MARCHF10: variants seen among roughly 807,000 people sequenced by gnomAD.
MARCHF10 encodes membrane associated ring-CH-type finger 10, also known as probable E3 ubiquitin-protein ligase MARCHF10.
A neutral mutation model predicts 76.2 loss-of-function variants in MARCHF10; 64 were observed. That is an observed-to-expected ratio of 0.84 (90% confidence interval 0.69 to 1.03). MARCHF10 has a LOEUF of 1.03. MARCHF10 is among the 50% of genes least tolerant of loss of function. MARCHF10 has a pLI of 0.00. For synonymous variants in MARCHF10, 340 were observed against 357.5 expected (o/e 0.95, Z 0.55); for missense variants, 875 against 958.0 (o/e 0.91, Z 1.14).
intron 2 of MARCHF10, 142 bp from the exon 3 acceptor site, chr17:62,788,741 A>G: frequency 8.3e-7 from 1 of 1,208,774 alleles, no homozygotes; most frequent in South Asian, 1.4e-5. Flanking sequence ...CCAAGTATAA[A>G]GACCAGGTAT....
rs1372534618 is a variant in MARCHF10, at chr17:62,711,506, G to C, written c.2215-162C>G. Among the ~76,000 whole-genome samples the C allele has an allele frequency of 1.3e-5, 2 of 152,246 alleles. No homozygotes were observed. The highest frequency in any genetic ancestry group is 2.9e-5 in the Non-Finnish European group (2 of 68,046). On this transcript the variant is annotated intron_variant, in intron 8 of 10. Coordinates refer to ENST00000311269, the MANE Select transcript of MARCHF10 (RefSeq NM_152598.4). This position sits in a 1 kb window ranked among gnomAD's most constrained non-coding sequence, Gnocchi z 4.4. ...GGGACCAGAAGACAGAGCAGGAGGA[G>C]ATCCAGGGTAGAGGCCAGGGCAGCC...
At chr17:62,746,065 T>C (rs1485310765) in intron 4 of MARCHF10, among the ~76,000 whole-genome samples, 3 of 152,360 alleles carry the variant, frequency 2.0e-5, no homozygotes, top group East Asian at 3.9e-4. Flanking sequence ...GGAGTCATGT[T>C]CCAGAGTGTA....
At chr17:62,783,267 T>G (rs1362173111) in intron 3 of MARCHF10, among the ~76,000 whole-genome samples, 1 of 142,222 alleles carries the variant, frequency 7.0e-6, no homozygotes, top group African/African-American at 2.7e-5. Context: ...TGGCTGCTCC[T>G]GAATGACTAC....
rs1161555346 is a variant in MARCHF10, at chr17:62,725,048, G to C, written c.1994C>G (p.Ala665Gly). Residue 665 changes from alanine to glycine, a missense_variant, in exon 7 of 11, where the codon GCC (alanine) becomes GGC (glycine). Physicochemically the swap from Ala to Gly is moderately conservative, Grantham distance 60 (BLOSUM62 0). Coordinates refer to ENST00000311269, the MANE Select transcript of MARCHF10 (RefSeq NM_152598.4). ...EGDLCRICQIAGGSPSNPLLE... is the reference protein window; with the variant it reads ...EGDLCRICQIGGGSPSNPLLE... ...GAGGGGGTTGCTTGGGGAACCCCCG[G>C]CTATCTGACAGATGCGACACAAGTC... 1.2e-6 allele frequency: 2 copies of C among 1,608,022 alleles called. No homozygotes were observed. Among genetic ancestry groups the C allele is most frequent in the Admixed American group, 1.7e-5 (1 of 58,464 alleles).
intron 6 of MARCHF10, chr17:62,735,134 A>G (rs1271330904): frequency 6.6e-6 from 1 of 152,254 alleles, no homozygotes; most frequent in Non-Finnish European, 1.5e-5. Context: ...TTCACAGCCC[A>G]CATGAGTCAT....
At chr17:62,774,893 A>G (rs1162315257) in intron 3 of MARCHF10, among the ~76,000 whole-genome samples, 2 of 151,834 alleles carry the variant, frequency 1.3e-5, no homozygotes, top group Non-Finnish European at 2.9e-5. Context: ...GCCTCTACTA[A>G]AAATACAAAA....
rs1568135332 is a variant in MARCHF10 at position 62,736,944 on chromosome 17, G to A, written c.924C>T (p.Pro308=). Residue 308 remains proline, a synonymous_variant, in exon 6 of 11, where the codon CCC becomes CCT. Coordinates refer to ENST00000311269, the MANE Select transcript of MARCHF10 (RefSeq NM_152598.4). ...EECLWVGVRS[P]CSPSHHKRSR... is the part of the protein sequence containing the mutation. ...TTCTTTTGTGATGGGAAGGAGAACA[G>A]GGTGAGCGCACACCAACCCACAGAC... 6.2e-7 allele frequency: 1 copy of A among 1,614,016 alleles called. No homozygotes were observed. Among genetic ancestry groups the A allele is most frequent in the East Asian group, 2.2e-5 (1 of 44,900 alleles).
intron 4 of MARCHF10, among the ~76,000 whole-genome samples, chr17:62,751,440 C>G (rs1352230604): frequency 1.3e-5 from 2 of 152,106 alleles, no homozygotes; most frequent in African/African-American, 4.8e-5. Context: ...TGTAGTTGCT[C>G]AAGAGCCCCA....
intron 3 of MARCHF10, among the ~76,000 whole-genome samples, chr17:62,766,737 C>T (rs926247434): frequency 1.3e-5 from 2 of 152,120 alleles, no homozygotes; most frequent in East Asian, 3.8e-4. Context: ...TTCGGAATAA[C>T]AGGTCATTAA....
chr17:62,719,021 G>A (rs1348711465), intron 8 of MARCHF10, among the ~76,000 whole-genome samples: 1 of 152,040 alleles, frequency 6.6e-6, no homozygotes, highest in Admixed American at 6.6e-5. Context: ...TTTAAACAAG[G>A]AAACTGCAGA....
At chr17:62,717,731 T>C (rs2147659217) in intron 8 of MARCHF10, among the ~76,000 whole-genome samples, 1 of 152,366 alleles carries the variant, frequency 6.6e-6, no homozygotes, top group East Asian at 1.9e-4. Flanking sequence ...GCCACACTGC[T>C]AGTCCCAGGA....
At chr17:62,714,758 C>CT (rs2090106428) in intron 8 of MARCHF10, among the ~76,000 whole-genome samples, 1 of 151,992 alleles carries the variant, frequency 6.6e-6, no homozygotes, top group South Asian at 2.1e-4. Context: ...CCCTTCTCCT[C>CT]TTTTTTTGAG....
intron 3 of MARCHF10, among the ~76,000 whole-genome samples, chr17:62,766,930 G>A (rs1490709847): frequency 2.0e-5 from 3 of 152,182 alleles, no homozygotes; most frequent in Non-Finnish European, 2.9e-5. Context: ...AAATGTCATG[G>A]AAAACCCCTG....
chr17:62,741,533 C>A (rs1428708727), intron 5 of MARCHF10, among the ~76,000 whole-genome samples: 1 of 152,140 alleles, frequency 6.6e-6, no homozygotes, highest in Non-Finnish European at 1.5e-5. Context: ...AGTTTCACTA[C>A]TAGTATTACG....
At chr17:62,704,459 G>A (rs2089451574) in intron 10 of MARCHF10, among the ~76,000 whole-genome samples, 2 of 152,334 alleles carry the variant, frequency 1.3e-5, no homozygotes, top group South Asian at 4.1e-4. Context: ...GGCCCTCTCC[G>A]GGTCTCTGAA....
At chr17:62,740,151 AT>A (rs1458062174) in intron 5 of MARCHF10, among the ~76,000 whole-genome samples, 5 of 150,998 alleles carry the variant, frequency 3.3e-5, no homozygotes, top group African/African-American at 1.2e-4. Flanking sequence ...TTTTAACCCT[AT>A]TTTTTTATGT....
chr17:62,788,029 G>T (rs1356688018), intron 3 of MARCHF10, among the ~76,000 whole-genome samples: 1 of 152,016 alleles, frequency 6.6e-6, no homozygotes, highest in Non-Finnish European at 1.5e-5. Flanking sequence ...ATTATTACAT[G>T]ATACAGTTAT....
At chr17:62,784,928 T>C (rs1368680564) in intron 3 of MARCHF10, among the ~76,000 whole-genome samples, 1 of 152,008 alleles carries the variant, frequency 6.6e-6, no homozygotes, top group African/African-American at 2.4e-5. Context: ...AGAATCAATA[T>C]CATGAAAATT....
rs766038 is a variant in MARCHF10, at chr17:62,738,689, A to G, written c.536-1357T>C. ...TTTAATTGGGGCTCCTCACAGGGGG[A>G]CACCAGTGTGAGTCTCTAATGTCCT... On this transcript the variant is annotated intron_variant, in intron 5 of 10. Coordinates refer to ENST00000311269, the MANE Select transcript of MARCHF10 (RefSeq NM_152598.4). The surrounding 1 kb of genome is among the most constrained non-coding windows in gnomAD (Gnocchi z 4.0). Among the ~76,000 whole-genome samples the G allele has an allele frequency of 0.38, 57,736 of 151,906 alleles. 11,089 individuals are homozygous for G. Among genetic ancestry groups the G allele is most frequent in the African/African-American group, 0.4 (16,530 of 41,404 alleles).
Sources: allele counts gnomAD v4.1 joint callset (sites outside exome capture counted in the v4.1 genomes callset), GRCh38; gene constraint gnomAD v4.1.1; non-coding constraint Gnocchi (gnomAD v3.1); transcripts MANE v1.5; gene names NCBI Gene and HGNC (gene_info 2026-07-23, HGNC 2026-07-21).